OSBP: variants seen among roughly 807,000 people sequenced by gnomAD.
OSBP encodes oxysterol-binding protein 1.
Under a neutral mutation model 96.6 loss-of-function variants are expected in OSBP, and 32 were observed. That is an observed-to-expected ratio of 0.33 (90% CI 0.25 to 0.45). The LOEUF is 0.45. Ranked by LOEUF, OSBP falls within the 20% of genes least tolerant of loss-of-function variation. The probability of loss-of-function intolerance (pLI) is 1.00; values close to 1 mark genes in which losing one functional copy is unlikely to be tolerated. For synonymous variants in OSBP, 369 were observed against 389.6 expected (o/e 0.95, Z 0.62); for missense variants, 653 against 1,029.7 (o/e 0.63, Z 5.01).
Position 59,601,473 on chromosome 11 carries a change from C to T in OSBP, c.1022-88G>A. On this transcript the variant is annotated intron_variant, in intron 4 of 13. Coordinates refer to ENST00000263847, the MANE Select transcript of OSBP (RefSeq NM_002556.3). Reference sequence around the variant, plus strand: ...AGTTCTTTTAAATACTAACCACAAACACAGCAAAAAATGGTAGAAAGCAGT... The same window carrying T: ...AGTTCTTTTAAATACTAACCACAAATACAGCAAAAAATGGTAGAAAGCAGT... 17 of 1,203,554 alleles carry T rather than the reference C, an allele frequency of 1.4e-5. No homozygotes were observed. The South Asian group carries it at 2.0e-4, about 14-fold the overall frequency. The allele number at this position is 1,203,554 out of a possible 1,614,324, so 74.6% of individuals were successfully genotyped here. A position where few individuals can be genotyped will look rare whatever the true frequency, so the allele number is the denominator to read the frequency against.
At chr11:59,580,830 CCTTT>C (rs1355876904) in intron 10 of OSBP, among the ~76,000 whole-genome samples, 3 of 152,168 alleles carry the variant, frequency 2.0e-5, no homozygotes, top group East Asian at 1.9e-4. Context: ...ATTTTCCCTT[CCTTT>C]CTATCTTCTA....
intron 3 of OSBP, among the ~76,000 whole-genome samples, chr11:59,605,097 G>A (rs1380813807): frequency 1.3e-5 from 2 of 151,106 alleles, no homozygotes; most frequent in Non-Finnish European, 3.0e-5. Flanking sequence ...AGGTTACAGT[G>A]AGCTGAGATC....
intron 3 of OSBP, 76 bp from the exon 4 acceptor site, chr11:59,601,914 T>A: frequency 1.5e-6 from 2 of 1,350,846 alleles, no homozygotes; most frequent in Non-Finnish European, 2.1e-6. Flanking sequence ...GCCCATTGAG[T>A]AACCTTATTC....
At chr11:59,587,565 ATAAG>A (rs751837347) in intron 9 of OSBP, among the ~76,000 whole-genome samples, 58 of 152,286 alleles carry the variant, frequency 3.8e-4, no homozygotes, top group South Asian at 6.2e-4. Flanking sequence ...TATACAAATG[ATAAG>A]TAAGTACATA....
At chr11:59,582,300 G>A (rs1860431662) in intron 9 of OSBP, among the ~76,000 whole-genome samples, 1 of 152,132 alleles carries the variant, frequency 6.6e-6, no homozygotes, top group Non-Finnish European at 1.5e-5. Flanking sequence ...CCTGACCTCT[G>A]GGGATGAAAG....
At chr11:59,586,713 A>G (rs1431042150) in intron 9 of OSBP, among the ~76,000 whole-genome samples, 1 of 152,236 alleles carries the variant, frequency 6.6e-6, no homozygotes, top group Non-Finnish European at 1.5e-5. Flanking sequence ...GTGGAATAGA[A>G]CAAAGAGCCC....
intron 3 of OSBP, among the ~76,000 whole-genome samples, chr11:59,602,130 T>C (rs1269830650): frequency 6.6e-6 from 1 of 152,126 alleles, no homozygotes; most frequent in Non-Finnish European, 1.5e-5. Context: ...TGTGACAACA[T>C]CAAAAAGAGC....
chr11:59,595,952 T>C (rs1028679356), intron 7 of OSBP, among the ~76,000 whole-genome samples: 1 of 97,716 alleles, frequency 1.0e-5, no homozygotes, highest in South Asian at 2.8e-4. Flanking sequence ...TAAAAATAAA[T>C]AAATAAATAA....
At chr11:59,598,936 C>T (rs576261774) in intron 7 of OSBP, among the ~76,000 whole-genome samples, 3 of 152,264 alleles carry the variant, frequency 2.0e-5, no homozygotes, top group South Asian at 2.1e-4. Flanking sequence ...TTCCATTTTC[C>T]GGCTAGCTGG....
chr11:59,604,735 G>A (rs1860759390), intron 3 of OSBP, among the ~76,000 whole-genome samples: 1 of 151,324 alleles, frequency 6.6e-6, no homozygotes, highest in South Asian at 2.1e-4. Context: ...TCTGCCTGTA[G>A]TCCCAGCTAC....
intron 9 of OSBP, among the ~76,000 whole-genome samples, chr11:59,589,926 T>G (rs1860556746): frequency 6.6e-6 from 1 of 151,750 alleles, no homozygotes; most frequent in Non-Finnish European, 1.5e-5. Context: ...GAGGTTGCAG[T>G]GAGCCGAGAT....
chr11:59,601,857 G>A lies in OSBP; in HGVS notation c.823-19C>T, dbSNP rs370982371. 5.0e-6 allele frequency: 8 copies of A among 1,610,052 alleles called. No homozygotes were observed. Among genetic ancestry groups the A allele is most frequent in the Non-Finnish European group, 5.9e-6 (7 of 1,176,806 alleles). ...TGCAGGCCTGTATGGAGAAAGCGTT[G>A]ACTGTGTCAGCTCAACTAGTCAGAG... On this transcript the variant is annotated intron_variant, in intron 3 of 13. Transcript: ENST00000263847.
At chr11:59,602,667 T>A (rs183444226) in intron 3 of OSBP, among the ~76,000 whole-genome samples, 29 of 152,296 alleles carry the variant, frequency 1.9e-4, no homozygotes, top group Admixed American at 1.8e-3. Flanking sequence ...TCTGGCACAG[T>A]CTGGAGTAGA....
chr11:59,584,013 G>A (rs564183772), intron 9 of OSBP, among the ~76,000 whole-genome samples: 4 of 144,892 alleles, frequency 2.8e-5, no homozygotes, highest in Admixed American at 1.4e-4. Flanking sequence ...TGGTGCAATC[G>A]TAGTTCACTG....
Position 59,615,363 on chromosome 11 carries a change from T to A in OSBP, c.302A>T (p.Tyr101Phe). The change falls in exon 1 of 14, where the codon TAT becomes TTT. Residue 101 changes from tyrosine to phenylalanine, a missense_variant. Around this residue, in one of 6 missense-constraint regions of OSBP, gnomAD observed 308 missense variants for 573.1 expected, o/e 0.54. Coordinates refer to ENST00000263847, the MANE Select transcript of OSBP (RefSeq NM_002556.3). ...REGWLFKWTNYIKGYQRRWFV... is the reference protein window; with the variant it reads ...REGWLFKWTNFIKGYQRRWFV... ...CCATCGCCGCTGGTAGCCTTTGATA[T>A]AATTGGTCCATTTGAAGAGCCAGCC... 1 of 1,604,848 alleles carries A rather than the reference T, an allele frequency of 6.2e-7. No homozygotes were observed. The highest frequency in any genetic ancestry group is 1.1e-5 in the South Asian group (1 of 90,030).
At chr11:59,583,409 T>C (rs1860448466) in intron 9 of OSBP, among the ~76,000 whole-genome samples, 1 of 152,158 alleles carries the variant, frequency 6.6e-6, no homozygotes, top group Non-Finnish European at 1.5e-5. Context: ...TCACCAATTG[T>C]GGTTTAGACA....
At chr11:59,610,630 C>T (rs761445496) in intron 1 of OSBP, 41 bp from the exon 2 acceptor site, 15 of 1,481,290 alleles carry the variant, frequency 1.0e-5, no homozygotes, top group African/African-American at 5.5e-5. Flanking sequence ...AGAAAGTTGA[C>T]GGTTTATCCT....
At position 59,600,934 on chromosome 11, in the gene OSBP, G is replaced by C. The variant is rs1860715534; in HGVS notation, c.1125-61C>G. The C allele has an allele frequency of 2.0e-5, 29 of 1,426,882 alleles. No individual in the cohort carries two copies. The South Asian group carries it at 3.1e-4, about 15-fold the overall frequency. 88.4% of individuals were successfully genotyped at this position (1,426,882 alleles called of 1,614,324 possible). A position where few individuals can be genotyped will look rare whatever the true frequency, so the allele number is the denominator to read the frequency against. ...AGACCAGAACTAGAGTGTGGTCCTG[G>C]ACATTTCTTTACAAAGCAGAATGCC... On this transcript the variant is annotated intron_variant, in intron 5 of 13. Transcript: ENST00000263847.
Position 59,576,647 on chromosome 11 carries a change from T to A in OSBP, c.2354A>T (p.His785Leu). The change falls in exon 14 of 14, where the codon CAT (histidine) becomes CTT (leucine). Residue 785 changes from histidine (H) to leucine (L), a missense_variant. Transcript: ENST00000263847. Reference sequence around the variant, plus strand: ...CTCCCAGTATTCTCCCCTATAAATATGGGTTAACTCCTTGGTAACAGGGTC... The same window carrying A: ...CTCCCAGTATTCTCCCCTATAAATAAGGGTTAACTCCTTGGTAACAGGGTC... ...KKDPVTKELTHIYRGEYWECK... is the reference protein window; with the variant it reads ...KKDPVTKELTLIYRGEYWECK... 1 of 1,614,140 alleles carries A rather than the reference T, an allele frequency of 6.2e-7. No individual in the cohort carries two copies. The highest frequency in any genetic ancestry group is 8.5e-7 in the Non-Finnish European group (1 of 1,180,002).
Sources: gnomAD v4.1 joint callset for allele counts (sites outside exome capture counted in the v4.1 genomes callset) on GRCh38, gnomAD v4.1.1 for gene constraint, gnomAD v4.1.1 regional missense constraint, MANE v1.5 for transcripts, NCBI Gene and HGNC (gene_info 2026-07-23, HGNC 2026-07-21) for gene names.